Variants in GNG7 observed in about 807,000 individuals in gnomAD.
GNG7 encodes the protein guanine nucleotide-binding protein G(I)/G(S)/G(O) subunit gamma-7.
In GNG7, 1 loss-of-function variant was observed where a neutral mutation model predicts 4.0. That is an observed-to-expected ratio of 0.25 (90% confidence interval 0.09 to 1.18). The LOEUF (loss-of-function observed/expected upper bound fraction) is 1.18. GNG7 is among the 50% of genes most tolerant of loss of function. The pLI is 0.50. For synonymous variants in GNG7, 34 were observed against 36.9 expected, an observed-to-expected ratio of 0.92 and a Z score of 0.29; for missense variants, 86 against 91.9, an observed-to-expected ratio of 0.94 and a Z score of 0.26.
intron 1 of GNG7, among the ~76,000 whole-genome samples, chr19:2,665,094 G>A (rs1983272529): frequency 6.6e-6 from 1 of 152,102 alleles, no homozygotes; most frequent in African/African-American, 2.4e-5. Context: ...AATCCCACGA[G>A]CTGGGGTCCC....
At position 2,617,603 on chromosome 19, in the gene GNG7, C is replaced by T. The variant is rs1190774144; in HGVS notation, c.-78+28621G>A. ...TGTCCTTCCTCCTGCCTTCAATGCT[C>T]CTCCCCATCCTGCAGGGGTTGGCAA... On this transcript the variant is annotated intron_variant, in intron 2 of 4. Transcript: ENST00000382159. The surrounding 1 kb of genome is among the most constrained non-coding windows in gnomAD (Gnocchi z 4.7). 6.6e-6 allele frequency among the ~76,000 whole-genome samples: 1 copy of T among 152,214 alleles called. No individual in the cohort carries two copies.
chr19:2,624,528 C>CAAAAA (rs921061279), intron 2 of GNG7, among the ~76,000 whole-genome samples: 4 of 62,456 alleles, frequency 6.4e-5, no homozygotes, highest in African/African-American at 1.0e-4. Context: ...GACTCCGTCT[C>CAAAAA]AAAAAAAAAA....
At chr19:2,549,295 T>TTG (rs1979238689) in intron 3 of GNG7, among the ~76,000 whole-genome samples, 1 of 147,404 alleles carries the variant, frequency 6.8e-6, no homozygotes, top group Non-Finnish European at 1.5e-5. Flanking sequence ...AGGGCTGTGT[T>TTG]TTTTTTTTTT....
intron 2 of GNG7, among the ~76,000 whole-genome samples, chr19:2,625,621 G>A (rs983591846): frequency 7.2e-5 from 11 of 152,144 alleles, no homozygotes; most frequent in African/African-American, 2.7e-4. Flanking sequence ...CCCTCCCAGT[G>A]TTTCCATGGT....
chr19:2,560,677 C>T (rs963949426), intron 2 of GNG7, among the ~76,000 whole-genome samples: 38 of 152,244 alleles, frequency 2.5e-4, no homozygotes, highest in African/African-American at 8.2e-4. Context: ...TGGAAAAAAG[C>T]TGGGCGCGGT....
At position 2,634,385 on chromosome 19, in the gene GNG7, G is replaced by A. The variant is rs1486558380; in HGVS notation, c.-78+11839C>T. ...GTCCCAGAAATTGCTCAGTGTCCCC[G>A]GGGTTGGGGGTGGGGGGCGGCATCA... On this transcript the variant is annotated intron_variant, in intron 2 of 4. Coordinates refer to ENST00000382159, the MANE Select transcript of GNG7 (RefSeq NM_052847.3). This position sits in a 1 kb window ranked among gnomAD's most constrained non-coding sequence, Gnocchi z 5.3. Among the ~76,000 whole-genome samples the A allele has an allele frequency of 6.6e-6, 1 of 152,132 alleles. No homozygotes were observed. The highest frequency in any genetic ancestry group is 1.9e-4 in the East Asian group (1 of 5,190).
rs539942750 is a variant in GNG7, at chr19:2,544,347, G to T, written c.-38+10802C>A. On this transcript the variant is annotated intron_variant, in intron 3 of 4. Transcript: ENST00000382159. ...CCTGCGTCAATGTGCACATCTGCAC[G>T]CCTGCTGTGGGCACGAGGGCCTCAG... Among the ~76,000 whole-genome samples the T allele has an allele frequency of 2.0e-5, 3 of 152,294 alleles. No individual in the cohort carries two copies. The South Asian group carries it at 6.2e-4, about 32-fold the overall frequency.
intron 1 of GNG7, among the ~76,000 whole-genome samples, chr19:2,678,507 C>A (rs1336165822): frequency 1.3e-5 from 2 of 152,192 alleles, no homozygotes; most frequent in African/African-American, 4.8e-5. Context: ...GTGGGTCACA[C>A]CCACTGTACA....
intron 3 of GNG7, among the ~76,000 whole-genome samples, chr19:2,543,080 T>C (rs113417750): frequency 0.13 from 19,054 of 151,744 alleles, 1,528 homozygotes; most frequent in Middle Eastern, 0.21. Flanking sequence ...ACCAGGCTTA[T>C]TTTTTATTTT....
intron 3 of GNG7, among the ~76,000 whole-genome samples, chr19:2,549,198 A>C (rs1599384490): frequency 1.3e-5 from 2 of 152,158 alleles, no homozygotes; most frequent in African/African-American, 4.8e-5. Flanking sequence ...AGCAAACGGC[A>C]AGAAGGCAAG....
chr19:2,569,440 T>C (rs1339248490), intron 2 of GNG7, among the ~76,000 whole-genome samples: 1 of 152,118 alleles, frequency 6.6e-6, no homozygotes, highest in Non-Finnish European at 1.5e-5. Context: ...CACACCCGGC[T>C]AATTTTTTGT....
chr19:2,657,726 T>C (rs993547360), intron 1 of GNG7, among the ~76,000 whole-genome samples: 11 of 152,012 alleles, frequency 7.2e-5, no homozygotes, highest in Non-Finnish European at 8.8e-5. Flanking sequence ...ATTTTCGATT[T>C]ACAGAAAAGT....
chr19:2,644,327 T>TTATTTATATA (rs1982600317), intron 2 of GNG7, among the ~76,000 whole-genome samples: 1 of 114,432 alleles, frequency 8.7e-6, no homozygotes, highest in Non-Finnish European at 1.8e-5. Context: ...GGCCTACACT[T>TTATTTATATA]TATATATATA....
At chr19:2,577,998 C>T (rs556578656) in intron 2 of GNG7, among the ~76,000 whole-genome samples, 7 of 152,054 alleles carry the variant, frequency 4.6e-5, no homozygotes, top group Admixed American at 3.3e-4. Flanking sequence ...CCACCACGCC[C>T]GGCTAATTCT....
intron 2 of GNG7, among the ~76,000 whole-genome samples, chr19:2,602,908 T>TCTTTC (rs1981250169): frequency 6.6e-6 from 1 of 151,364 alleles, no homozygotes; most frequent in Admixed American, 6.6e-5. Flanking sequence ...TTTCTTTCTT[T>TCTTTC]CTTTCTTTCT....
At chr19:2,568,503 GTC>G (rs1169888830) in intron 2 of GNG7, among the ~76,000 whole-genome samples, 3 of 149,000 alleles carry the variant, frequency 2.0e-5, no homozygotes, top group East Asian at 2.0e-4. Context: ...CATACACAGG[GTC>G]TCTGTGTGTG....
intron 2 of GNG7, chr19:2,610,746 GC>G (rs1187984729): frequency 6.6e-6 from 1 of 152,050 alleles, no homozygotes; most frequent in African/African-American, 2.4e-5. Context: ...CTCCCAAAGT[GC>G]TGGGATTGCA....
intron 1 of GNG7, among the ~76,000 whole-genome samples, chr19:2,658,776 T>C (rs916804494): frequency 3.9e-5 from 6 of 152,166 alleles, no homozygotes; most frequent in Non-Finnish European, 8.8e-5. Context: ...GCTCATTAGT[T>C]GTAACAAATG....
At chr19:2,639,586 G>GGAAGGAATGGGGTGTTTCTGGAGGTT (rs71179903) in intron 2 of GNG7, among the ~76,000 whole-genome samples, 24 of 149,818 alleles carry the variant, frequency 1.6e-4, no homozygotes, top group South Asian at 2.1e-4. Flanking sequence ...GATGTCAAAT[G>GGAAGGAATGGGGTGTTTCTGGAGGTT]TAGATGGCAG....
Sources: allele counts gnomAD v4.1 joint callset (sites outside exome capture counted in the v4.1 genomes callset), GRCh38; gene constraint gnomAD v4.1.1; non-coding constraint Gnocchi (gnomAD v3.1); transcripts MANE v1.5; gene names NCBI Gene and HGNC (gene_info 2026-07-23, HGNC 2026-07-21).